BICC1: variants seen among roughly 807,000 people sequenced by gnomAD.
BICC1 encodes the protein BicC family RNA binding protein 1.
In BICC1, 43 loss-of-function variants were observed where a neutral mutation model predicts 111.0. The observed-to-expected ratio is 0.39, with a 90% CI of 0.30 to 0.50. BICC1 has a LOEUF of 0.50. BICC1 is among the 20% of genes least tolerant of loss of function. BICC1 has a pLI of 0.88. For missense variants in BICC1, 1,091 were observed against 1,203.2 expected (o/e 0.91, Z 1.38); for synonymous variants, 467 against 434.4 (o/e 1.07, Z -0.93).
chr10:58,740,472 T>G (rs1841623803), intron 3 of BICC1, among the ~76,000 whole-genome samples: 1 of 152,166 alleles, frequency 6.6e-6, no homozygotes, highest in African/African-American at 2.4e-5. Flanking sequence ...AATCAAATGA[T>G]TTATAAAGTT....
intron 1 of BICC1, among the ~76,000 whole-genome samples, chr10:58,548,085 G>T (rs1209885891): frequency 6.6e-6 from 1 of 152,166 alleles, no homozygotes; most frequent in Non-Finnish European, 1.5e-5. Flanking sequence ...ATAAATATTT[G>T]TATTTGTGTC....
rs184677884 is a variant in BICC1, at chr10:58,756,261, T to C, written c.308-28740T>C. Among the ~76,000 whole-genome samples, 4 of 152,302 alleles carry C rather than the reference T, an allele frequency of 2.6e-5. 1 individual carries two copies. The highest frequency in any genetic ancestry group is 2.6e-4 in the Admixed American group (4 of 15,298). ...CAGCTGGAAAGGCTTTTTTTTGCTT[T>C]TCCGTTTTTTGCATTTCCACGTAGA... On this transcript the variant is annotated intron_variant, in intron 3 of 20. Coordinates refer to ENST00000373886, the MANE Select transcript of BICC1 (RefSeq NM_001080512.3).
intron 18 of BICC1, chr10:58,814,390 T>TA: frequency 2.2e-6 from 1 of 457,800 alleles, no homozygotes; most frequent in Non-Finnish European, 3.9e-6. Flanking sequence ...GTCTGACACC[T>TA]AGTAGGTAGG....
At chr10:58,685,996 C>G (rs753397746) in intron 2 of BICC1, among the ~76,000 whole-genome samples, 13 of 152,186 alleles carry the variant, frequency 8.5e-5, no homozygotes, top group Non-Finnish European at 1.6e-4. Flanking sequence ...TCTGCAGTGG[C>G]TGGTACCAGT....
intron 1 of BICC1, among the ~76,000 whole-genome samples, chr10:58,544,882 A>C (rs1843095850): frequency 6.6e-6 from 1 of 152,096 alleles, no homozygotes; most frequent in Non-Finnish European, 1.5e-5. Context: ...TTGGGTTCTA[A>C]TCTAATATGA....
At chr10:58,679,036 G>A (rs940934695) in intron 2 of BICC1, among the ~76,000 whole-genome samples, 1 of 152,220 alleles carries the variant, frequency 6.6e-6, no homozygotes, top group Non-Finnish European at 1.5e-5. Context: ...AGCTAGAGCA[G>A]TGTTTAGAGT....
At chr10:58,746,118 T>G (rs908302038) in intron 3 of BICC1, among the ~76,000 whole-genome samples, 1 of 152,176 alleles carries the variant, frequency 6.6e-6, no homozygotes, top group African/African-American at 2.4e-5. Flanking sequence ...CCTTCCCATT[T>G]GGTTAGTGCC....
At chr10:58,546,256 T>TA (rs1373464005) in intron 1 of BICC1, among the ~76,000 whole-genome samples, 1 of 152,162 alleles carries the variant, frequency 6.6e-6, no homozygotes, top group Non-Finnish European at 1.5e-5. Flanking sequence ...TGGCCTGGGA[T>TA]ACTGAACATA....
At chr10:58,716,357 T>G (rs1041841452) in intron 3 of BICC1, 15 of 1,294,750 alleles carry the variant, frequency 1.2e-5, no homozygotes, top group Non-Finnish European at 1.5e-5. Context: ...CTGTGAAAAC[T>G]ACAACATATT....
At chr10:58,762,890 A>G (rs1842355940) in intron 3 of BICC1, among the ~76,000 whole-genome samples, 1 of 151,400 alleles carries the variant, frequency 6.6e-6, no homozygotes, top group African/African-American at 2.4e-5. Context: ...TCGTAACACA[A>G]AGGAGGCCCA....
intron 3 of BICC1, among the ~76,000 whole-genome samples, chr10:58,751,923 T>C (rs945816885): frequency 6.6e-6 from 1 of 152,128 alleles, no homozygotes; most frequent in African/African-American, 2.4e-5. Context: ...GTGCATTTAT[T>C]TTTTTCCAGA....
rs1554801033 is a variant in BICC1, at chr10:58,521,768, G to GTGTTTTTTTTTTTTTTTTTTTT, written c.190+8436_190+8437insGTTTTTTTTTTTTTTTTTTTTT. Reference sequence around the variant, plus strand: ...ATGAAAATCAGCCAGGGAATGTGGTGTTTTTTTTTTTTTTTTTTTTTTTTT... The same window carrying GTGTTTTTTTTTTTTTTTTTTTT: ...ATGAAAATCAGCCAGGGAATGTGGTGTGTTTTTTTTTTTTTTTTTTTTTTTTTTTTTTTTTTTTTTTTTTTTT... On this transcript the variant is annotated intron_variant, in intron 1 of 20. Coordinates refer to ENST00000373886, the MANE Select transcript of BICC1 (RefSeq NM_001080512.3). Among the ~76,000 whole-genome samples the GTGTTTTTTTTTTTTTTTTTTTT allele has an allele frequency of 1.8e-5, 2 of 112,810 alleles. 1 individual carries two copies. The highest frequency in any genetic ancestry group is 6.0e-5 in the African/African-American group (2 of 33,376). The allele number at this position is 112,810 out of a possible 152,430, so 74.0% of individuals were successfully genotyped here. A position where few individuals can be genotyped will look rare whatever the true frequency, so the allele number is the denominator to read the frequency against.
chr10:58,706,015 A>G (rs1205687107), intron 3 of BICC1, among the ~76,000 whole-genome samples: 1 of 152,188 alleles, frequency 6.6e-6, no homozygotes, highest in Non-Finnish European at 1.5e-5. Context: ...GCAATATTTG[A>G]TATTTCTTCT....
At position 58,814,461 on chromosome 10, in the gene BICC1, G is replaced by A. The variant is rs189030291; in HGVS notation, c.2533+475G>A. ...GGGTAATGTACACACATGCATCCAG[G>A]TGGTGACAAAAAGACAAGGACATAA... On this transcript the variant is annotated intron_variant, in intron 18 of 20. Coordinates refer to ENST00000373886, the MANE Select transcript of BICC1 (RefSeq NM_001080512.3). 2.0e-3 allele frequency: 519 copies of A among 260,944 alleles called. 1 individual carries two copies. The highest frequency in any genetic ancestry group is 2.5e-3 in the Non-Finnish European group (343 of 137,772). 16.2% of individuals were successfully genotyped at this position (260,944 alleles called of 1,614,324 possible).
chr10:58,687,082 T>C (rs1304395348), intron 2 of BICC1, among the ~76,000 whole-genome samples: 6 of 151,960 alleles, frequency 3.9e-5, no homozygotes, highest in Middle Eastern at 3.2e-3. Flanking sequence ...TTGTTAGTTT[T>C]CTTTCTTACA....
chr10:58,599,891 A>G (rs1844968855), intron 1 of BICC1, among the ~76,000 whole-genome samples: 1 of 151,424 alleles, frequency 6.6e-6, no homozygotes, highest in Non-Finnish European at 1.5e-5. Flanking sequence ...TCTGACTAAC[A>G]TGATTTTAAT....
intron 2 of BICC1, among the ~76,000 whole-genome samples, chr10:58,668,266 TA>T (rs1839078260): frequency 6.6e-6 from 1 of 152,114 alleles, no homozygotes; most frequent in Non-Finnish European, 1.5e-5. Flanking sequence ...AAAGTAGTTT[TA>T]AAAACTTTTC....
intron 1 of BICC1, among the ~76,000 whole-genome samples, chr10:58,527,591 G>GTTTTTGATCAATCTTGAATTAA (rs1842578478): frequency 6.6e-6 from 1 of 150,912 alleles, no homozygotes; most frequent in Non-Finnish European, 1.5e-5. Flanking sequence ...TCTTGAGTTA[G>GTTTTTGATCAATCTTGAATTAA]TTTTTGTATA....
At chr10:58,543,146 A>G (rs1589080851) in intron 1 of BICC1, among the ~76,000 whole-genome samples, 1 of 152,112 alleles carries the variant, frequency 6.6e-6, no homozygotes, top group Non-Finnish European at 1.5e-5. Context: ...CAGGGATAAA[A>G]AAATGTGATA....
Sources: allele counts gnomAD v4.1 joint callset (sites outside exome capture counted in the v4.1 genomes callset), GRCh38; gene constraint gnomAD v4.1.1; transcripts MANE v1.5; gene names NCBI Gene and HGNC (gene_info 2026-07-23, HGNC 2026-07-21).